Variants in AXDND1 observed in about 807,000 individuals in gnomAD.
The protein encoded by AXDND1 is axonemal dynein light chain domain containing 1.
Under a neutral mutation model 137.5 loss-of-function variants are expected in AXDND1, and 110 were observed. The ratio of observed to expected loss-of-function variants is 0.80; its 90% CI spans 0.69 to 0.94. The LOEUF (loss-of-function observed/expected upper bound fraction) is 0.94. Among genes scored for constraint, AXDND1 ranks in the 40% least tolerant of loss-of-function variants. The pLI is 0.00. For missense variants in AXDND1, 1,191 were observed against 1,169.8 expected (o/e 1.02, Z -0.26); for synonymous variants, 414 against 399.7 (o/e 1.04, Z -0.43).
intron 12 of AXDND1, among the ~76,000 whole-genome samples, chr1:179,422,217 GTCTT>G (rs1206086308): frequency 1.4e-5 from 2 of 145,662 alleles, no homozygotes; most frequent in South Asian, 2.2e-4. Flanking sequence ...GTTATTTCCC[GTCTT>G]TCTATCATTT....
intron 15 of AXDND1, among the ~76,000 whole-genome samples, chr1:179,433,405 G>A (rs1192512207): frequency 1.3e-5 from 2 of 152,068 alleles, no homozygotes; most frequent in African/African-American, 2.4e-5. Flanking sequence ...CCTTCTGCTA[G>A]CTTTTGGATT....
intron 21 of AXDND1, among the ~76,000 whole-genome samples, chr1:179,512,444 C>T (rs915206795): frequency 3.3e-5 from 5 of 152,134 alleles, no homozygotes; most frequent in Non-Finnish European, 5.9e-5. Context: ...ATACCAGTAC[C>T]ATGCTGTTTT....
At chr1:179,496,622 A>G (rs576173013) in intron 20 of AXDND1, among the ~76,000 whole-genome samples, 17 of 151,802 alleles carry the variant, frequency 1.1e-4, no homozygotes, top group African/African-American at 4.1e-4. Flanking sequence ...AGATTGTCCA[A>G]TTTTCTTGAT....
chr1:179,503,153 C>G (rs191279868), intron 20 of AXDND1, among the ~76,000 whole-genome samples: 8 of 148,504 alleles, frequency 5.4e-5, no homozygotes, highest in African/African-American at 1.2e-4. Context: ...AAACTGGAAA[C>G]AACTCAAATG....
At chr1:179,547,899 A>C (rs1672793428) in intron 25 of AXDND1, among the ~76,000 whole-genome samples, 1 of 152,178 alleles carries the variant, frequency 6.6e-6, no homozygotes, top group Non-Finnish European at 1.5e-5. Flanking sequence ...CAAACAGTCA[A>C]ACCCAGGCAA....
intron 9 of AXDND1, among the ~76,000 whole-genome samples, chr1:179,390,996 G>A (rs1650081453): frequency 6.6e-6 from 1 of 151,914 alleles, no homozygotes; most frequent in Non-Finnish European, 1.5e-5. Flanking sequence ...AGTAGAGATA[G>A]GGTTTATCCA....
intron 16 of AXDND1, among the ~76,000 whole-genome samples, chr1:179,445,772 C>T (rs116350838): frequency 0.023 from 3,563 of 152,196 alleles, 137 homozygotes; most frequent in African/African-American, 0.08. Flanking sequence ...GGGTTGTTTC[C>T]ACTTTTTGAC....
At chr1:179,519,767 A>G (rs921434184) in intron 21 of AXDND1, among the ~76,000 whole-genome samples, 3 of 152,126 alleles carry the variant, frequency 2.0e-5, no homozygotes, top group Non-Finnish European at 2.9e-5. Context: ...CTTGTATTAT[A>G]CCATGCTGTT....
At chr1:179,517,734 G>A (rs900534779) in intron 21 of AXDND1, among the ~76,000 whole-genome samples, 2 of 152,254 alleles carry the variant, frequency 1.3e-5, no homozygotes, top group African/African-American at 4.8e-5. Flanking sequence ...CCCAGTGGGG[G>A]TGTGTTTGGG....
chr1:179,450,454 G>A (rs1660396176), intron 16 of AXDND1: 1 of 152,184 alleles, frequency 6.6e-6, no homozygotes, highest in Non-Finnish European at 1.5e-5. Flanking sequence ...TAAGTGTGAT[G>A]TTAGCTGTGG....
At chr1:179,365,914 T>C (rs1667336742), upstream of AXDND1, 1 of 152,834 alleles carries the variant, frequency 6.5e-6, no homozygotes, top group Non-Finnish European at 1.5e-5. Context: ...GCAGCCCCTA[T>C]GGAGGGCGCT....
At chr1:179,368,127 C>T (rs1447142831) in intron 2 of AXDND1, among the ~76,000 whole-genome samples, 1 of 152,152 alleles carries the variant, frequency 6.6e-6, no homozygotes, top group African/African-American at 2.4e-5. Context: ...AGAAGAATAA[C>T]AACTCAACCC....
At chr1:179,501,828 A>G (rs932180015) in intron 20 of AXDND1, among the ~76,000 whole-genome samples, 20 of 152,236 alleles carry the variant, frequency 1.3e-4, no homozygotes, top group Middle Eastern at 3.2e-3. Context: ...CAAATGGACT[A>G]GAAACCTACA....
chr1:179,474,959 C>T (rs370331316), intron 17 of AXDND1, among the ~76,000 whole-genome samples: 6 of 152,188 alleles, frequency 3.9e-5, no homozygotes, highest in Non-Finnish European at 2.9e-5. Flanking sequence ...TGGGACATGG[C>T]GTCCTGTGTC....
chr1:179,467,908 A>C (rs1184617141), intron 16 of AXDND1, among the ~76,000 whole-genome samples: 1 of 152,200 alleles, frequency 6.6e-6, no homozygotes, highest in African/African-American at 2.4e-5. Flanking sequence ...ATTTTGCCAT[A>C]ATCTCATAGT....
intron 18 of AXDND1, 45 bp downstream of exon 18, chr1:179,483,266 G>A (rs369575988): frequency 1.5e-4 from 212 of 1,398,024 alleles, no homozygotes; most frequent in Admixed American, 5.1e-4. Context: ...TGCCTCGGCT[G>A]GCAAATTTCT....
intron 22 of AXDND1, 144 bp from the exon 23 acceptor site, chr1:179,528,183 T>A: frequency 4.9e-6 from 3 of 615,606 alleles, no homozygotes; most frequent in South Asian, 2.1e-5. Flanking sequence ...TATGTGAAAG[T>A]CTTCAAAAAT....
At chr1:179,410,867 TAAAG>T (rs1295539411) in intron 11 of AXDND1, among the ~76,000 whole-genome samples, 3 of 152,070 alleles carry the variant, frequency 2.0e-5, no homozygotes, top group Admixed American at 1.3e-4. Flanking sequence ...AGTGAAAAAA[TAAAG>T]AATAAGATGA....
intron 15 of AXDND1, among the ~76,000 whole-genome samples, chr1:179,436,632 T>C (rs1658192542): frequency 6.6e-6 from 1 of 151,372 alleles, no homozygotes; most frequent in Non-Finnish European, 1.5e-5. Context: ...TAACTGGGAG[T>C]TGAACAATGA....
Sources: gnomAD v4.1 joint callset for allele counts (sites outside exome capture counted in the v4.1 genomes callset) on GRCh38, gnomAD v4.1.1 for gene constraint, MANE v1.5 for transcripts, NCBI Gene and HGNC (gene_info 2026-07-23, HGNC 2026-07-21) for gene names.